L3MBTL4: variants seen among roughly 807,000 people sequenced by gnomAD.
L3MBTL4 encodes the protein lethal(3)malignant brain tumor-like protein 4.
A neutral mutation model predicts 84.5 loss-of-function variants in L3MBTL4; 70 were observed. The ratio of observed to expected loss-of-function variants is 0.83; its 90% CI spans 0.68 to 1.01. The LOEUF (loss-of-function observed/expected upper bound fraction) is 1.01, where lower values mean the gene tolerates loss of function less well. Among genes scored for constraint, L3MBTL4 ranks in the 50% least tolerant of loss-of-function variants. L3MBTL4 has a pLI of 0.00. For synonymous variants in L3MBTL4, 274 were observed against 259.8 expected (o/e 1.05, Z -0.52); for missense variants, 715 against 754.8 (o/e 0.95, Z 0.62).
At chr18:6,412,883 T>C (rs916861315) in intron 1 of L3MBTL4, among the ~76,000 whole-genome samples, 1 of 151,744 alleles carries the variant, frequency 6.6e-6, no homozygotes, top group Non-Finnish European at 1.5e-5. Flanking sequence ...CAAGCTTACT[T>C]CTCTTTAAAG....
intron 14 of L3MBTL4, among the ~76,000 whole-genome samples, chr18:6,118,425 C>T (rs1386081219): frequency 2.6e-5 from 4 of 152,152 alleles, no homozygotes; most frequent in Admixed American, 2.6e-4. Flanking sequence ...CCTTTCTGCA[C>T]CACTGAATTA....
chr18:5,975,130 A>C (rs2052848701), intron 16 of L3MBTL4, among the ~76,000 whole-genome samples: 1 of 152,178 alleles, frequency 6.6e-6, no homozygotes, highest in Non-Finnish European at 1.5e-5. Context: ...AAAATCCTTT[A>C]TGGAAATGTT....
intron 4 of L3MBTL4, among the ~76,000 whole-genome samples, chr18:6,283,448 G>A (rs982981782): frequency 1.3e-5 from 2 of 152,010 alleles, no homozygotes; most frequent in Non-Finnish European, 2.9e-5. Context: ...AGAAAAATAA[G>A]TTCTTTCCTA....
intron 5 of L3MBTL4, among the ~76,000 whole-genome samples, chr18:6,246,036 C>A (rs1483403559): frequency 6.6e-6 from 1 of 152,134 alleles, no homozygotes; most frequent in African/African-American, 2.4e-5. Flanking sequence ...TTTGAATAGT[C>A]CATACTTGAA....
intron 16 of L3MBTL4, among the ~76,000 whole-genome samples, chr18:6,038,251 C>CATT (rs2056229859): frequency 1.0e-5 from 1 of 97,862 alleles, no homozygotes; most frequent in Non-Finnish European, 2.0e-5. Context: ...ATTTCTGGAT[C>CATT]TTTTTTTTTT....
intron 16 of L3MBTL4, among the ~76,000 whole-genome samples, chr18:6,018,778 G>T (rs1183603845): frequency 1.3e-5 from 2 of 152,218 alleles, no homozygotes; most frequent in Admixed American, 6.5e-5. Flanking sequence ...TGCTCTGAAA[G>T]AGTTAAGGTC....
intron 17 of L3MBTL4, among the ~76,000 whole-genome samples, chr18:5,962,300 C>T (rs1281180159): frequency 2.0e-5 from 3 of 152,094 alleles, no homozygotes; most frequent in African/African-American, 7.2e-5. Flanking sequence ...ATAGTATTTC[C>T]ACCACGGCGA....
At chr18:6,234,301 C>T (rs1442002153) in intron 10 of L3MBTL4, among the ~76,000 whole-genome samples, 1 of 152,056 alleles carries the variant, frequency 6.6e-6, no homozygotes, top group African/African-American at 2.4e-5. Context: ...GCAACAAAAG[C>T]CAAAATTGAC....
intron 10 of L3MBTL4, among the ~76,000 whole-genome samples, chr18:6,224,721 T>C (rs896475633): frequency 6.6e-6 from 1 of 152,028 alleles, no homozygotes; most frequent in African/African-American, 2.4e-5. Flanking sequence ...GTCCTAGTTA[T>C]GTTATTTGGG....
At chr18:6,160,206 C>T (rs1173490530) in intron 13 of L3MBTL4, among the ~76,000 whole-genome samples, 1 of 152,156 alleles carries the variant, frequency 6.6e-6, no homozygotes, top group African/African-American at 2.4e-5. Context: ...ATACAAAGAC[C>T]CCACCCTAGG....
chr18:6,082,462 G>A (rs1468844781), intron 15 of L3MBTL4: 1 of 152,110 alleles, frequency 6.6e-6, no homozygotes, highest in African/African-American at 2.4e-5. Flanking sequence ...AAGGTAAGTA[G>A]TGCAGCCTAG....
intron 12 of L3MBTL4, among the ~76,000 whole-genome samples, chr18:6,209,695 A>G (rs1237469420): frequency 6.6e-6 from 1 of 152,232 alleles, no homozygotes; most frequent in Non-Finnish European, 1.5e-5. Context: ...ACATATGTAA[A>G]TGTTTATCCC....
At chr18:6,374,036 T>C (rs2054266618) in intron 1 of L3MBTL4, among the ~76,000 whole-genome samples, 1 of 152,208 alleles carries the variant, frequency 6.6e-6, no homozygotes, top group South Asian at 2.1e-4. Context: ...TGTGTATCAG[T>C]GGTCTCTGAA....
intron 16 of L3MBTL4, among the ~76,000 whole-genome samples, chr18:6,037,215 G>A (rs957103186): frequency 3.9e-5 from 6 of 152,182 alleles, no homozygotes; most frequent in South Asian, 4.1e-4. Context: ...CTCCAGGAAC[G>A]CATGCATACC....
At chr18:6,142,582 T>A (rs2060228978) in intron 13 of L3MBTL4, among the ~76,000 whole-genome samples, 2 of 152,290 alleles carry the variant, frequency 1.3e-5, no homozygotes, top group South Asian at 2.1e-4. Flanking sequence ...AACAGCTTTT[T>A]TTAAAAAAAC....
At chr18:6,014,857 G>A (rs2054892509) in intron 16 of L3MBTL4, among the ~76,000 whole-genome samples, 1 of 152,156 alleles carries the variant, frequency 6.6e-6, no homozygotes, top group African/African-American at 2.4e-5. Context: ...GTGAAGAAAG[G>A]ATTAGTTACA....
intron 1 of L3MBTL4, among the ~76,000 whole-genome samples, chr18:6,314,067 T>C (rs554261316): frequency 7.1e-5 from 9 of 126,012 alleles, no homozygotes; most frequent in Non-Finnish European, 1.6e-4. Flanking sequence ...GATAGATAGA[T>C]AGATAGATAG....
At chr18:6,231,659 T>C (rs1462776281) in intron 10 of L3MBTL4, among the ~76,000 whole-genome samples, 2 of 152,178 alleles carry the variant, frequency 1.3e-5, no homozygotes, top group African/African-American at 2.4e-5. Context: ...TTATTTCTGA[T>C]GCTACTGCAA....
chr18:6,216,436 A>G (rs1180444631), intron 10 of L3MBTL4, among the ~76,000 whole-genome samples: 2 of 152,066 alleles, frequency 1.3e-5, no homozygotes, highest in Non-Finnish European at 2.9e-5. Context: ...AGATCTATAT[A>G]GTATAGTTTT....
Sources: allele counts gnomAD v4.1 joint callset (sites outside exome capture counted in the v4.1 genomes callset), GRCh38; gene constraint gnomAD v4.1.1; transcripts MANE v1.5; gene names NCBI Gene and HGNC (gene_info 2026-07-23, HGNC 2026-07-21).